The following C8orf90 variants were observed in gnomAD, a reference collection of about 807,000 sequenced individuals.
C8orf90 encodes the protein chromosome 8 open reading frame 90.
the C8orf90 span, chr8:141,518,355 C>A: frequency 8.9e-6 from 6 of 677,004 alleles, no homozygotes; most frequent in African/African-American, 1.1e-4. Context: ...GCGTGCTCAC[C>A]GAGAACTTCA....
At chr8:141,518,443 G>A in the C8orf90 span, 12 of 664,730 alleles carry the variant, frequency 1.8e-5, no homozygotes, top group Admixed American at 2.4e-4. Flanking sequence ...CCGCGACCGC[G>A]CAGACTTCGA....
the C8orf90 span, among the ~76,000 whole-genome samples, chr8:141,517,917 C>T: frequency 6.6e-6 from 1 of 152,214 alleles, no homozygotes; most frequent in Non-Finnish European, 1.5e-5. Context: ...AAGTCTGCAG[C>T]CTCCTCGCCA....
At chr8:141,515,018 G>T in the C8orf90 span, among the ~76,000 whole-genome samples, 1,031 of 152,020 alleles carry the variant, frequency 6.8e-3, 13 homozygotes, top group African/African-American at 0.022. Context: ...GGAAGGGGTT[G>T]GCTCTCTTCC....
At chr8:141,514,864 CAGA>C in the C8orf90 span, 5 of 656,786 alleles carry the variant, frequency 7.6e-6, no homozygotes, top group Admixed American at 4.4e-5. Flanking sequence ...ACCCATCTTC[CAGA>C]AGAAGATGCT....
the C8orf90 span, among the ~76,000 whole-genome samples, chr8:141,516,340 G>T: frequency 6.6e-6 from 1 of 152,088 alleles, no homozygotes; most frequent in Admixed American, 6.5e-5. Flanking sequence ...CTGCCTCCAC[G>T]TTCTCCCCTC....
At chr8:141,514,841 AAGCGG>A in the C8orf90 span, 6 of 683,706 alleles carry the variant, frequency 8.8e-6, no homozygotes, top group South Asian at 7.8e-5. Context: ...TGGGAGCAGG[AAGCGG>A]CCCTCTGACC....
the C8orf90 span, chr8:141,518,685 C>A: frequency 3.7e-6 from 2 of 539,836 alleles, no homozygotes; most frequent in Non-Finnish European, 6.5e-6. Context: ...CCAGGCCCCG[C>A]CGCTGCCCCG....
At chr8:141,518,526 G>T in the C8orf90 span, 7 of 539,488 alleles carry the variant, frequency 1.3e-5, no homozygotes, top group South Asian at 1.2e-4. Flanking sequence ...CCCAGGCAGC[G>T]ATGCGCAAGC....
the C8orf90 span, among the ~76,000 whole-genome samples, chr8:141,518,010 T>A: frequency 1.3e-5 from 2 of 152,182 alleles, no homozygotes; most frequent in Non-Finnish European, 2.9e-5. Context: ...GGTTTGCTGT[T>A]GCTGTTCCCT....
At chr8:141,516,977 T>C in the C8orf90 span, among the ~76,000 whole-genome samples, 1 of 152,220 alleles carries the variant, frequency 6.6e-6, no homozygotes, top group Non-Finnish European at 1.5e-5. Context: ...CTCATGGCTG[T>C]AGTCAATGGC....
At chr8:141,518,019 C>G in the C8orf90 span, among the ~76,000 whole-genome samples, 1 of 152,332 alleles carries the variant, frequency 6.6e-6, no homozygotes, top group Non-Finnish European at 1.5e-5. Flanking sequence ...TTGCTGTTCC[C>G]TCAGAAATGC....
the C8orf90 span, among the ~76,000 whole-genome samples, chr8:141,515,022 C>G: frequency 4.5e-3 from 686 of 152,058 alleles, 4 homozygotes; most frequent in African/African-American, 0.016. Context: ...GGGGTTGGCT[C>G]TCTTCCTGAA....
At chr8:141,516,106 G>T in the C8orf90 span, among the ~76,000 whole-genome samples, 1 of 152,172 alleles carries the variant, frequency 6.6e-6, no homozygotes, top group Non-Finnish European at 1.5e-5. Flanking sequence ...GCCAAAGGCA[G>T]CATTCAGCTT....
At chr8:141,518,540 G>C in the C8orf90 span, 1 of 519,388 alleles carries the variant, frequency 1.9e-6, no homozygotes, top group Non-Finnish European at 3.3e-6. Context: ...CGCAAGCGGC[G>C]CCTGGAGCGG....
At chr8:141,515,494 C>T in the C8orf90 span, among the ~76,000 whole-genome samples, 28,361 of 150,760 alleles carry the variant, frequency 0.19, 3,322 homozygotes, top group East Asian at 0.32. Flanking sequence ...GCCCCTCGGA[C>T]TCCTGTAAGG....
the C8orf90 span, among the ~76,000 whole-genome samples, chr8:141,515,467 A>G: frequency 0.5 from 74,809 of 149,142 alleles, 20,201 homozygotes; most frequent in South Asian, 0.65. Context: ...CTGTCATCCT[A>G]TTGGTGATTT....
chr8:141,516,253 C>T, the C8orf90 span, among the ~76,000 whole-genome samples: 5 of 152,312 alleles, frequency 3.3e-5, no homozygotes, highest in Non-Finnish European at 7.4e-5. Flanking sequence ...TCTCTTGACC[C>T]CACTTCCCTT....
the C8orf90 span, chr8:141,518,688 C>T: frequency 1.9e-6 from 1 of 539,728 alleles, no homozygotes; most frequent in African/African-American, 2.0e-5. Context: ...GGCCCCGCCG[C>T]TGCCCCGAGA....
the C8orf90 span, chr8:141,518,161 G>A: frequency 1.9e-6 from 1 of 524,260 alleles, no homozygotes; most frequent in East Asian, 3.5e-5. Context: ...GCCTGCGCGG[G>A]CCGCTCCCGG....
Sources: gnomAD v4.1 joint callset for allele counts (sites outside exome capture counted in the v4.1 genomes callset) on GRCh38, gnomAD v4.1.1 for gene constraint, MANE v1.5 for transcripts, NCBI Gene and HGNC (gene_info 2026-07-23, HGNC 2026-07-21) for gene names.